GLG1: variants seen among roughly 807,000 people sequenced by gnomAD.
GLG1 encodes Golgi apparatus protein 1.
Under a neutral mutation model 160.5 loss-of-function variants are expected in GLG1, and 38 were observed. The observed-to-expected ratio is 0.24, with a 90% CI of 0.18 to 0.31. GLG1 has a LOEUF of 0.31. GLG1 is among the 10% of genes least tolerant of loss of function. The pLI is 1.00. For synonymous variants in GLG1, 644 were observed against 543.4 expected, an observed-to-expected ratio of 1.19 and a Z score of -2.57; for missense variants, 1,373 against 1,505.2, an observed-to-expected ratio of 0.91 and a Z score of 1.45.
chr16:74,592,226 T>G (rs1958200963), intron 1 of GLG1, among the ~76,000 whole-genome samples: 1 of 152,184 alleles, frequency 6.6e-6, no homozygotes, highest in Non-Finnish European at 1.5e-5. Context: ...CACTGCAAAC[T>G]CCACCTCCTG....
At chr16:74,492,735 C>T (rs1329512511) in intron 7 of GLG1, among the ~76,000 whole-genome samples, 1 of 150,110 alleles carries the variant, frequency 6.7e-6, no homozygotes, top group Non-Finnish European at 1.5e-5. Flanking sequence ...AGGAGAATGG[C>T]GTGAACACGG....
At chr16:74,478,894 C>CAA (rs370595276) in intron 11 of GLG1, among the ~76,000 whole-genome samples, 1 of 80,214 alleles carries the variant, frequency 1.2e-5, no homozygotes, top group Non-Finnish European at 2.5e-5. Flanking sequence ...AACTCCGTCT[C>CAA]AAAAAAAAAA....
At chr16:74,455,799 A>C (rs1401620151) in intron 25 of GLG1, among the ~76,000 whole-genome samples, 32 of 152,242 alleles carry the variant, frequency 2.1e-4, no homozygotes, top group Admixed American at 2.1e-3. Context: ...GTGACCTCTG[A>C]AGTCAGTTTC....
chr16:74,470,141 C>T (rs932303380), intron 15 of GLG1, 68 bp from the exon 16 acceptor site: 2 of 896,700 alleles, frequency 2.2e-6, no homozygotes, highest in African/African-American at 1.6e-5. Flanking sequence ...GTAGGGCGCA[C>T]TTTTTCATAT....
intron 25 of GLG1, 115 bp from the exon 26 acceptor site, chr16:74,453,449 G>A: frequency 1.5e-6 from 1 of 657,914 alleles, no homozygotes; most frequent in Non-Finnish European, 2.6e-6. Context: ...CTTTTGGAGA[G>A]GGAGGGCAGG....
intron 1 of GLG1, among the ~76,000 whole-genome samples, chr16:74,571,352 G>C (rs983534977): frequency 2.0e-5 from 3 of 152,148 alleles, no homozygotes; most frequent in African/African-American, 7.2e-5. Flanking sequence ...ACAGATTCAG[G>C]GGCAAATATG....
intron 1 of GLG1, among the ~76,000 whole-genome samples, chr16:74,535,110 C>A (rs916623148): frequency 6.6e-6 from 1 of 152,062 alleles, no homozygotes; most frequent in African/African-American, 2.4e-5. Context: ...AAAGCCATCT[C>A]GAATAACCCA....
intron 1 of GLG1, among the ~76,000 whole-genome samples, chr16:74,539,449 C>G (rs1042946700): frequency 6.7e-6 from 1 of 150,220 alleles, no homozygotes; most frequent in Non-Finnish European, 1.5e-5. Flanking sequence ...TAAAACTTGT[C>G]TTGTACCTTT....
At chr16:74,475,028 G>A (rs1165052195) in intron 12 of GLG1, among the ~76,000 whole-genome samples, 2 of 151,876 alleles carry the variant, frequency 1.3e-5, no homozygotes, top group East Asian at 1.9e-4. Flanking sequence ...GTGGTGGTGG[G>A]TGCCTGTAAT....
At chr16:74,557,698 G>C (rs1208582689) in intron 1 of GLG1, among the ~76,000 whole-genome samples, 1 of 152,064 alleles carries the variant, frequency 6.6e-6, no homozygotes, top group East Asian at 1.9e-4. Context: ...AAGAAGTCTG[G>C]TGCAGCTATC....
At chr16:74,477,344 A>T (rs2015419306) in intron 12 of GLG1, 52 bp downstream of exon 12, 3 of 1,386,220 alleles carry the variant, frequency 2.2e-6, no homozygotes, top group Non-Finnish European at 3.1e-6. Flanking sequence ...ATAAAATGTT[A>T]AACATTAACA....
In GLG1 at chr16:74,496,511, G is replaced by C; in HGVS notation, c.908C>G (p.Ser303Trp). 1 of 1,613,970 alleles carries C rather than the reference G, an allele frequency of 6.2e-7. No individual in the cohort carries two copies. The highest frequency in any genetic ancestry group is 8.5e-7 in the Non-Finnish European group (1 of 1,179,904). The stretch of plus-strand genomic sequence containing the variant: ...ATGCCGGTCTAAGTGAAAGTCATCC[G>C]ATGACAGCTCAGCCACCCGGAGAAT... ...KAILRVAELSSDDFHLDRHLY... is the reference protein window; with the variant it reads ...KAILRVAELSWDDFHLDRHLY... The change falls in exon 5 of 26, where the codon TCG (serine) becomes TGG (tryptophan). Residue 303 changes from serine to tryptophan, a missense_variant. Coordinates refer to ENST00000422840, the MANE Select transcript of GLG1 (RefSeq NM_001145667.2).
chr16:74,543,558 A>G (rs975716502), intron 1 of GLG1, among the ~76,000 whole-genome samples: 1 of 152,128 alleles, frequency 6.6e-6, no homozygotes, highest in African/African-American at 2.4e-5. Context: ...AAATCCTCAA[A>G]AAGTCCCTAC....
intron 1 of GLG1, among the ~76,000 whole-genome samples, chr16:74,582,438 T>G (rs1957958859): frequency 6.6e-6 from 1 of 152,154 alleles, no homozygotes; most frequent in African/African-American, 2.4e-5. Flanking sequence ...GGTGCTGGGA[T>G]TTCCTTAATC....
Position 74,451,832 on chromosome 16 carries a change from C to G in GLG1, c.*1335G>C. 2.0e-6 allele frequency: 1 copy of G among 499,226 alleles called. No homozygotes were observed. 30.9% of individuals were successfully genotyped at this position (499,226 alleles called of 1,614,324 possible). On this transcript the variant is annotated 3_prime_UTR_variant, in exon 26 of 26. Coordinates refer to ENST00000422840, the MANE Select transcript of GLG1 (RefSeq NM_001145667.2). ...CACTGGAGGAATGAGGCGGGATGGC[C>G]AAGAATATTGCTTCTATAAAGCCCA... is the stretch of plus-strand genomic sequence containing the variant.
At chr16:74,496,418 G>T (rs62052085) in intron 5 of GLG1, 23 bp downstream of exon 5, 55,861 of 1,487,668 alleles carry the variant, frequency 0.038, 1,219 homozygotes, top group Non-Finnish European at 0.045. Flanking sequence ...AGGAAGAAAA[G>T]AACAGTTTCT....
intron 2 of GLG1, among the ~76,000 whole-genome samples, chr16:74,511,887 G>C (rs1375002547): frequency 6.6e-6 from 1 of 151,998 alleles, no homozygotes; most frequent in East Asian, 1.9e-4. Flanking sequence ...TAAGAACCAT[G>C]ACAGTATTGT....
chr16:74,471,196 T>G lies in GLG1; in HGVS notation c.2206A>C (p.Ile736Leu). The change falls in exon 15 of 26, where the codon ATC becomes CTC. Residue 736 changes from isoleucine to leucine, a missense_variant. Ile to Leu is a conservative substitution (Grantham distance 5). Transcript: ENST00000422840. ...ACCAGCTGGAAGTGGGTAACTCCGA[T>G]GGCACACTTCTCGTTCATGTCCTTC... ...HQKDMNEKCA[I>L]GVTHFQLVQM... 1 of 1,608,484 alleles carries G rather than the reference T, an allele frequency of 6.2e-7. No individual in the cohort carries two copies. Among genetic ancestry groups the G allele is most frequent in the Non-Finnish European group, 8.5e-7 (1 of 1,174,820 alleles).
chr16:74,455,288 G>A (rs2014490429), intron 25 of GLG1, among the ~76,000 whole-genome samples: 1 of 152,130 alleles, frequency 6.6e-6, no homozygotes, highest in Non-Finnish European at 1.5e-5. Flanking sequence ...AGAGGCATCT[G>A]GGCTGTTTCT....
Sources: allele counts gnomAD v4.1 joint callset (sites outside exome capture counted in the v4.1 genomes callset), GRCh38; gene constraint gnomAD v4.1.1; transcripts MANE v1.5; gene names NCBI Gene and HGNC (gene_info 2026-07-23, HGNC 2026-07-21).